The following SP2 variants were observed in gnomAD, a reference collection of about 807,000 sequenced individuals.
The protein encoded by SP2 is transcription factor Sp2.
A neutral mutation model predicts 50.1 loss-of-function variants in SP2; 9 were observed. That is an observed-to-expected ratio of 0.18 (90% CI 0.11 to 0.31). The LOEUF is 0.31. SP2 is among the 10% of genes least tolerant of loss of function. The pLI is 1.00. For synonymous variants in SP2, 313 were observed against 326.6 expected, an observed-to-expected ratio of 0.96 and a Z score of 0.45; for missense variants, 581 against 806.5, an observed-to-expected ratio of 0.72 and a Z score of 3.39.
Position 47,916,939 on chromosome 17 carries a change from C to T in SP2, c.868C>T (p.Pro290Ser). The T allele has an allele frequency of 6.2e-7, 1 of 1,614,206 alleles. No homozygotes were observed. The highest frequency in any genetic ancestry group is 8.5e-7 in the Non-Finnish European group (1 of 1,180,026). Reference protein sequence around the residue: ...AGNNLLIVQSPGGGQPAVVQQ... With the variant: ...AGNNLLIVQSSGGGQPAVVQQ... ...AAATAACCTGCTCATTGTTCAGAGCCCTGGTGGGGGCCAGCCAGCTGTGGT... is the reference window on the plus strand; with the variant it reads ...AAATAACCTGCTCATTGTTCAGAGCTCTGGTGGGGGCCAGCCAGCTGTGGT... Residue 290 changes from proline to serine, a missense_variant, in exon 3 of 7, where the codon CCT becomes TCT. Pro to Ser is a moderately conservative substitution (Grantham distance 74). Around this residue, in one of 2 missense-constraint regions of SP2, gnomAD observed 397 missense variants for 491.0 expected, o/e 0.81. Transcript: ENST00000376741. The surrounding 1 kb of genome is among the most constrained non-coding windows in gnomAD (Gnocchi z 4.7).
intron 6 of SP2, among the ~76,000 whole-genome samples, 170 bp from the exon 7 acceptor site, chr17:47,927,554 A>G (rs954445256): frequency 2.1e-4 from 31 of 148,908 alleles, no homozygotes; most frequent in African/African-American, 7.6e-4. Context: ...AAAAAAAAAG[A>G]TATAGATGAG....
chr17:47,906,373 C>T (rs1308389202), intron 1 of SP2, among the ~76,000 whole-genome samples: 1 of 152,180 alleles, frequency 6.6e-6, no homozygotes, highest in Admixed American at 6.5e-5. Context: ...TGAAGGTGTC[C>T]GTGAGCCATG....
downstream of SP2, among the ~76,000 whole-genome samples, chr17:47,930,881 C>T (rs1176572702): frequency 6.6e-6 from 1 of 152,162 alleles, no homozygotes; most frequent in Non-Finnish European, 1.5e-5. Flanking sequence ...GCATTGTGCT[C>T]ATTATCCCAC....
At chr17:47,896,614 C>G (rs1250982459) in intron 1 of SP2, among the ~76,000 whole-genome samples, 1 of 152,292 alleles carries the variant, frequency 6.6e-6, no homozygotes, top group African/African-American at 2.4e-5. Flanking sequence ...GGACGGGTGC[C>G]GACCCACTTC....
chr17:47,899,134 C>T (rs986382490), intron 1 of SP2: 1 of 152,272 alleles, frequency 6.6e-6, no homozygotes, highest in Middle Eastern at 3.4e-3. Flanking sequence ...AGTTCTTTCT[C>T]TTTATTTCTT....
At chr17:47,907,929 A>T (rs1478814348) in intron 1 of SP2, among the ~76,000 whole-genome samples, 1 of 152,192 alleles carries the variant, frequency 6.6e-6, no homozygotes, top group Non-Finnish European at 1.5e-5. Flanking sequence ...TCCAAACATC[A>T]GTGGGAAATG....
intron 1 of SP2, chr17:47,897,771 A>C: frequency 1.6e-6 from 1 of 639,340 alleles, no homozygotes; most frequent in Non-Finnish European, 1.9e-6. Flanking sequence ...AATGAATATA[A>C]CTGCAGTGTC....
rs142460619 is a variant in SP2, at chr17:47,902,638, G to C, written c.7+6345G>C. On this transcript the variant is annotated intron_variant, in intron 1 of 6. Coordinates refer to ENST00000376741, the MANE Select transcript of SP2 (RefSeq NM_003110.6). Reference sequence around the variant, plus strand: ...TAAGGATAACTCCCAAGGTTTTAAGGCTGAGGAGCTGGAAAGATGAAGTTA... The same window carrying C: ...TAAGGATAACTCCCAAGGTTTTAAGCCTGAGGAGCTGGAAAGATGAAGTTA... 3.6e-3 allele frequency among the ~76,000 whole-genome samples: 541 copies of C among 152,304 alleles called. 4 individuals carry two copies. The highest frequency in any genetic ancestry group is 0.014 in the Middle Eastern group (4 of 294).
At chr17:47,921,322 C>T (rs149404525) in intron 3 of SP2, among the ~76,000 whole-genome samples, 2 of 152,312 alleles carry the variant, frequency 1.3e-5, no homozygotes, top group African/African-American at 4.8e-5. Context: ...AATCTCGACT[C>T]ACTGCAACCT....
chr17:47,916,659 C>G lies in SP2; in HGVS notation c.588C>G (p.Ser196Arg), dbSNP rs184089381. The change falls in exon 3 of 7, where the codon AGC becomes AGG. Residue 196 changes from serine to arginine, a missense_variant. Coordinates refer to ENST00000376741, the MANE Select transcript of SP2 (RefSeq NM_003110.6). This position sits in a 1 kb window ranked among gnomAD's most constrained non-coding sequence, Gnocchi z 4.7. The stretch of plus-strand genomic sequence containing the variant: ...GTACGACCACCACCCCCGTGCAGAG[C>G]GGGGCCAATGTGGTGAAGCTGACAG... The part of the protein sequence containing the change: ...KSSTTTTPVQ[S>R]GANVVKLTGG... 5 of 1,613,788 alleles carry G rather than the reference C, an allele frequency of 3.1e-6. No individual in the cohort carries two copies. Among genetic ancestry groups the G allele is most frequent in the Non-Finnish European group, 3.4e-6 (4 of 1,179,856 alleles).
At chr17:47,914,058 G>A (rs927092310) in intron 1 of SP2, among the ~76,000 whole-genome samples, 1 of 152,144 alleles carries the variant, frequency 6.6e-6, no homozygotes, top group African/African-American at 2.4e-5. Context: ...CTATGTAAAA[G>A]CGTAAATTCA....
chr17:47,924,794 C>A (rs2035583968), intron 4 of SP2, 125 bp from the exon 5 acceptor site: 1 of 816,042 alleles, frequency 1.2e-6, no homozygotes, highest in Non-Finnish European at 1.9e-6. Context: ...TGATATCCAA[C>A]ATACAGCAGG....
chr17:47,926,759 T>TAA (rs901496414), intron 6 of SP2, among the ~76,000 whole-genome samples: 1 of 143,400 alleles, frequency 7.0e-6, no homozygotes, highest in African/African-American at 2.6e-5. Flanking sequence ...GCCCATCTCT[T>TAA]AAAAAAAAAA....
intron 1 of SP2, among the ~76,000 whole-genome samples, chr17:47,911,623 A>C (rs976818087): frequency 6.6e-6 from 1 of 151,942 alleles, no homozygotes; most frequent in African/African-American, 2.4e-5. Context: ...TCTGGCTAAC[A>C]TGAAACCCCC....
rs757565944 is a variant in SP2 at position 47,928,541 on chromosome 17, G to A, written c.*717G>A. The A allele has an allele frequency of 6.6e-6, 1 of 152,622 alleles. No individual in the cohort carries two copies. Among genetic ancestry groups the A allele is most frequent in the African/African-American group, 2.4e-5 (1 of 41,406 alleles). 9.5% of individuals were successfully genotyped at this position (152,622 alleles called of 1,614,324 possible). A position where few individuals can be genotyped will look rare whatever the true frequency, so the allele number is the denominator to read the frequency against. ...CTCCCTGATGCCTGCTTTCAGTTGAGGGTTGGGGGCAATGATGAGCATATG... is the reference window on the plus strand; with the variant it reads ...CTCCCTGATGCCTGCTTTCAGTTGAAGGTTGGGGGCAATGATGAGCATATG... On this transcript the variant is annotated 3_prime_UTR_variant, in exon 7 of 7. Transcript: ENST00000376741.
At chr17:47,925,140 C>T (rs1379235627) in intron 5 of SP2, 47 bp downstream of exon 5, 10 of 1,552,654 alleles carry the variant, frequency 6.4e-6, no homozygotes, top group Non-Finnish European at 8.7e-6. Context: ...CTGTGTTCCC[C>T]AAGCCCCTCC....
At chr17:47,917,265 G>T (rs1237792027) in intron 3 of SP2, 135 bp downstream of exon 3, 26 of 855,294 alleles carry the variant, frequency 3.0e-5, no homozygotes, top group Non-Finnish European at 4.3e-5. Flanking sequence ...GGCAGTAAGT[G>T]GCCGTTTCTA....
In SP2 at chr17:47,896,263, G is replaced by A; in HGVS notation, c.-24G>A. ...GCTCTCGGTGGCGGCGGAGGCGGCG[G>A]AGGCCAGGGAGGAAGATGTCGTAAT... On this transcript the variant is annotated 5_prime_UTR_variant, in exon 1 of 7. Coordinates refer to ENST00000376741, the MANE Select transcript of SP2 (RefSeq NM_003110.6). The A allele has an allele frequency of 8.1e-7, 1 of 1,235,572 alleles. No individual in the cohort carries two copies. The highest frequency in any genetic ancestry group is 1.0e-6 in the Non-Finnish European group (1 of 987,266). The allele number at this position is 1,235,572 out of a possible 1,614,324, so 76.5% of individuals were successfully genotyped here. A position where few individuals can be genotyped will look rare whatever the true frequency, so the allele number is the denominator to read the frequency against.
At chr17:47,897,968 A>T in intron 1 of SP2, 1 of 683,618 alleles carries the variant, frequency 1.5e-6, no homozygotes, top group African/African-American at 1.9e-5. Context: ...GGTTGTACAG[A>T]GGCTTAACCT....
Sources: allele counts gnomAD v4.1 joint callset (sites outside exome capture counted in the v4.1 genomes callset), GRCh38; gene constraint gnomAD v4.1.1; regional missense constraint gnomAD v4.1.1; non-coding constraint Gnocchi (gnomAD v3.1); transcripts MANE v1.5; gene names NCBI Gene and HGNC (gene_info 2026-07-23, HGNC 2026-07-21).